The following WDR26 variants were observed in gnomAD, a reference collection of about 807,000 sequenced individuals.
WDR26 encodes WD repeat-containing protein 26.
Under a neutral mutation model 84.1 loss-of-function variants are expected in WDR26, and 5 were observed. That is an observed-to-expected ratio of 0.06 (90% CI 0.03 to 0.13). The LOEUF (loss-of-function observed/expected upper bound fraction) is 0.13, where lower values mean the gene tolerates loss of function less well. Among genes scored for constraint, WDR26 ranks in the 10% least tolerant of loss-of-function variants. The pLI, the probability that WDR26 is intolerant of heterozygous loss-of-function variation, is 1.00. For missense variants in WDR26, 642 were observed against 974.9 expected (o/e 0.66, Z 4.55); for synonymous variants, 415 against 389.6 (o/e 1.07, Z -0.77).
rs766919474 is a variant in WDR26 at position 224,387,288 on chromosome 1, G to C, written c.*2547C>G. 1.3e-5 allele frequency: 2 copies of C among 152,552 alleles called. No individual in the cohort carries two copies. Among genetic ancestry groups the C allele is most frequent in the Non-Finnish European group, 2.9e-5 (2 of 68,016 alleles). 9.4% of individuals were successfully genotyped at this position (152,552 alleles called of 1,614,324 possible). ...TATGGATCAGAAAATCCTGCGATCAGTTTCTCATACCATAAAATCCTAGGC... is the reference window on the plus strand; with the variant it reads ...TATGGATCAGAAAATCCTGCGATCACTTTCTCATACCATAAAATCCTAGGC... On this transcript the variant is annotated 3_prime_UTR_variant, in exon 14 of 14. Coordinates refer to ENST00000414423, the MANE Select transcript of WDR26 (RefSeq NM_001379403.1).
chr1:224,413,218 C>CCCA (rs1372671842), intron 6 of WDR26: 1 of 845,476 alleles, frequency 1.2e-6, no homozygotes, highest in African/African-American at 1.8e-5. Flanking sequence ...CCCCCCCCCC[C>CCCA]AAAAAAAACG....
intron 6 of WDR26, among the ~76,000 whole-genome samples, chr1:224,412,443 G>T (rs1673765018): frequency 6.6e-6 from 1 of 152,152 alleles, no homozygotes; most frequent in South Asian, 2.1e-4. Flanking sequence ...CTGCCTTACA[G>T]AATTCCTTAC....
At chr1:224,395,576 A>C (rs375012970) in intron 12 of WDR26, among the ~76,000 whole-genome samples, 2 of 151,394 alleles carry the variant, frequency 1.3e-5, no homozygotes, top group East Asian at 3.9e-4. Context: ...ATTTTTGAAA[A>C]TAATTTTTTC....
Position 224,415,435 on chromosome 1 carries a change from T to G in WDR26, c.1319+2825A>C, listed in dbSNP as rs566991198. ...CTAAGGATGAGGGAAGAAACAATTC[T>G]GGAACACGTATTTCTTTCTTTTTTT... On this transcript the variant is annotated intron_variant, in intron 6 of 13. Transcript: ENST00000414423. Among the ~76,000 whole-genome samples the G allele has an allele frequency of 9.8e-4, 148 of 150,908 alleles. 1 individual carries two copies. Among genetic ancestry groups the G allele is most frequent in the African/African-American group, 3.5e-3 (145 of 40,944 alleles).
Position 224,418,428 on chromosome 1 carries a change from G to A in WDR26, c.1163-12C>T, listed in dbSNP as rs766935958. 15 of 1,578,152 alleles carry A rather than the reference G, an allele frequency of 9.5e-6. No homozygotes were observed. In the East Asian group the frequency reaches 3.4e-4, roughly 36 times the overall value. ...TGGTGGTAAATAGGCTTTAATAGAA[G>A]ATATTTTAAAAAAGAGAAATAATAA... is the stretch of plus-strand genomic sequence containing the variant. On this transcript the variant is annotated splice_polypyrimidine_tract_variant and intron_variant, in intron 5 of 13. Coordinates refer to ENST00000414423, the MANE Select transcript of WDR26 (RefSeq NM_001379403.1).
In WDR26 at chr1:224,434,269, G is replaced by A. The variant is rs1198733035; in HGVS notation, c.137C>T (p.Ala46Val). Residue 46 changes from alanine (A) to valine (V), a missense_variant, in exon 1 of 14, where the codon GCA becomes GTA. Physicochemically the swap from Ala to Val is moderately conservative, Grantham distance 64 (BLOSUM62 0). This residue lies in a region of WDR26 where 291 missense variants were observed against 302.1 expected (regional missense o/e 0.96). Coordinates refer to ENST00000414423, the MANE Select transcript of WDR26 (RefSeq NM_001379403.1). ...CGGAGGGGAGAGGCCTGCTCTGCCT[G>A]CCGAAGCCCCGGGCTCTCCTACTCC... The A allele has an allele frequency of 3.1e-6, 4 of 1,288,346 alleles. No homozygotes were observed. The highest frequency in any genetic ancestry group is 3.1e-5 in the African/African-American group (2 of 65,064). 79.8% of individuals were successfully genotyped at this position (1,288,346 alleles called of 1,614,324 possible). A position where few individuals can be genotyped will look rare whatever the true frequency, so the allele number is the denominator to read the frequency against.
intron 12 of WDR26, among the ~76,000 whole-genome samples, chr1:224,395,101 A>C (rs1242993000): frequency 6.6e-6 from 1 of 152,212 alleles, no homozygotes; most frequent in African/African-American, 2.4e-5. Flanking sequence ...CAGACTACTC[A>C]ACATTGTATC....
At chr1:224,398,292 G>A (rs1205603801) in intron 11 of WDR26, 66 bp from the exon 12 acceptor site, 2 of 1,557,468 alleles carry the variant, frequency 1.3e-6, no homozygotes, top group African/African-American at 2.8e-5. Flanking sequence ...AAAAGTATCT[G>A]TAAATATCCC....
chr1:224,397,785 A>T lies in WDR26; in HGVS notation c.2074+312T>A, dbSNP rs73125523. On this transcript the variant is annotated intron_variant, in intron 12 of 13. Coordinates refer to ENST00000414423, the MANE Select transcript of WDR26 (RefSeq NM_001379403.1). The stretch of plus-strand genomic sequence containing the variant: ...TATGAAAGTATAATAATTTAACTAA[A>T]TCTTGATTAGACACATGCACCAAAC... The T allele has an allele frequency of 6.4e-3, 1,510 of 235,276 alleles. 25 individuals are homozygous for T. Among genetic ancestry groups the T allele is most frequent in the African/African-American group, 0.032 (1,390 of 43,500 alleles). The allele number at this position is 235,276 out of a possible 1,614,324, so 14.6% of individuals were successfully genotyped here. A position where few individuals can be genotyped will look rare whatever the true frequency, so the allele number is the denominator to read the frequency against.
At chr1:224,415,453 C>T (rs986313254) in intron 6 of WDR26, among the ~76,000 whole-genome samples, 32 of 82,344 alleles carry the variant, frequency 3.9e-4, no homozygotes, top group African/African-American at 1.6e-3. Flanking sequence ...GTATTTCTTT[C>T]TTTTTTTTTT....
intron 5 of WDR26, 28 bp downstream of exon 5, chr1:224,419,490 C>G: frequency 6.5e-7 from 1 of 1,536,652 alleles, no homozygotes; most frequent in Non-Finnish European, 9.0e-7. Flanking sequence ...AGAGAAAACA[C>G]AGCAACATAA....
rs1174136470 is a variant in WDR26 at position 224,385,932 on chromosome 1, T to C, written c.*3903A>G. 3.3e-5 allele frequency: 5 copies of C among 152,102 alleles called. No individual in the cohort carries two copies. Among genetic ancestry groups the C allele is most frequent in the African/African-American group, 1.2e-4 (5 of 41,402 alleles). The allele number at this position is 152,102 out of a possible 1,614,324, so 9.4% of individuals were successfully genotyped here. On this transcript the variant is annotated 3_prime_UTR_variant, in exon 14 of 14. Coordinates refer to ENST00000414423, the MANE Select transcript of WDR26 (RefSeq NM_001379403.1). ...ATGACAAGATCCTAGAACAGCTGTT[T>C]CCAGGACTTTTTAATGAATCAAGTA...
chr1:224,408,120 C>T (rs1673633657), intron 7 of WDR26, among the ~76,000 whole-genome samples: 1 of 152,196 alleles, frequency 6.6e-6, no homozygotes, highest in Admixed American at 6.5e-5. Context: ...TACAAAAGCT[C>T]CTCCTTGATC....
At chr1:224,415,674 G>C (rs1673882215) in intron 6 of WDR26, among the ~76,000 whole-genome samples, 1 of 152,024 alleles carries the variant, frequency 6.6e-6, no homozygotes, top group Non-Finnish European at 1.5e-5. Flanking sequence ...TTTTAGCCAG[G>C]ATGGTCTTGA....
At chr1:224,397,925 T>C in intron 12 of WDR26, 172 bp downstream of exon 12, 1 of 721,276 alleles carries the variant, frequency 1.4e-6, no homozygotes, top group South Asian at 2.0e-5. Flanking sequence ...TGTGACAATT[T>C]GTGATAATAC....
Position 224,434,362 on chromosome 1 carries a change from G to A in WDR26, c.44C>T (p.Ser15Phe). 8.2e-7 allele frequency: 1 copy of A among 1,218,008 alleles called. No homozygotes were observed. Among genetic ancestry groups the A allele is most frequent in the Non-Finnish European group, 1.0e-6 (1 of 979,644 alleles). 75.5% of individuals were successfully genotyped at this position (1,218,008 alleles called of 1,614,324 possible). A position where few individuals can be genotyped will look rare whatever the true frequency, so the allele number is the denominator to read the frequency against. ...GGCTCCGCCGGTGTCCGAGTCGGAG[G>A]AGGAGGAAGCGGAGGCCAGAGTTTC... The change falls in exon 1 of 14, where the codon TCC becomes TTC. Residue 15 changes from serine to phenylalanine, a missense_variant. Transcript: ENST00000414423.
At chr1:224,418,922 T>C (rs1673981131) in intron 5 of WDR26, among the ~76,000 whole-genome samples, 1 of 152,084 alleles carries the variant, frequency 6.6e-6, no homozygotes, top group African/African-American at 2.4e-5. Context: ...ATTCAGGGAG[T>C]AACTGGTGTT....
Position 224,426,154 on chromosome 1 carries a change from G to A in WDR26, c.928-1500C>T, listed in dbSNP as rs887895880. Among the ~76,000 whole-genome samples the A allele has an allele frequency of 5.3e-5, 8 of 152,140 alleles. No individual in the cohort carries two copies. The South Asian group carries it at 6.2e-4, about 12-fold the overall frequency. On this transcript the variant is annotated intron_variant, in intron 3 of 13. Transcript: ENST00000414423. The stretch of plus-strand genomic sequence containing the variant: ...ATTACAGGCATGAGACACCGCACCC[G>A]GCCCAAAATGCTTACTTTAAAACCA...
At chr1:224,393,770 A>G in intron 13 of WDR26, 58 bp downstream of exon 13, 1 of 1,378,072 alleles carries the variant, frequency 7.3e-7, no homozygotes, top group South Asian at 1.9e-5. Flanking sequence ...TAAGTTCATA[A>G]TAAGCCGAGT....
Sources: allele counts gnomAD v4.1 joint callset (sites outside exome capture counted in the v4.1 genomes callset), GRCh38; gene constraint gnomAD v4.1.1; regional missense constraint gnomAD v4.1.1; transcripts MANE v1.5; gene names NCBI Gene and HGNC (gene_info 2026-07-23, HGNC 2026-07-21).